GRID2: variants seen among roughly 807,000 people sequenced by gnomAD.
GRID2 encodes the protein glutamate receptor ionotropic, delta-2.
A neutral mutation model predicts 114.8 loss-of-function variants in GRID2; 33 were observed. The ratio of observed to expected loss-of-function variants is 0.29; its 90% confidence interval spans 0.22 to 0.38. The LOEUF is 0.38. Ranked by LOEUF, GRID2 falls within the 10% of genes least tolerant of loss-of-function variation. The pLI is 1.00. For missense variants in GRID2, 1,184 were observed against 1,257.7 expected, an observed-to-expected ratio of 0.94 and a Z score of 0.89; for synonymous variants, 505 against 449.9, an observed-to-expected ratio of 1.12 and a Z score of -1.55.
intron 4 of GRID2, among the ~76,000 whole-genome samples, chr4:93,193,741 C>T (rs950311193): frequency 6.6e-6 from 1 of 152,144 alleles, no homozygotes; most frequent in African/African-American, 2.4e-5. Context: ...AACTGTGAAA[C>T]ACTGATAATT....
In GRID2 at chr4:93,456,293, G is replaced by A. The variant is rs551289106; in HGVS notation, c.1858+319G>A. On this transcript the variant is annotated intron_variant, in intron 11 of 15. Coordinates refer to ENST00000282020, the MANE Select transcript of GRID2 (RefSeq NM_001510.4). Reference sequence around the variant, plus strand: ...CCAAACTCTGACTTTCTGAGAAATAGCCTTATAAGGATGAAATTACTTATT... The same window carrying A: ...CCAAACTCTGACTTTCTGAGAAATAACCTTATAAGGATGAAATTACTTATT... 5.7e-4 allele frequency among the ~76,000 whole-genome samples: 86 copies of A among 152,202 alleles called. 1 individual carries two copies. The highest frequency in any genetic ancestry group is 1.5e-3 in the South Asian group (7 of 4,820).
chr4:93,320,239 G>T (rs920763126), intron 8 of GRID2, among the ~76,000 whole-genome samples: 2 of 152,056 alleles, frequency 1.3e-5, no homozygotes, highest in Non-Finnish European at 2.9e-5. Context: ...TCATGTCAGC[G>T]ATGATTATTG....
At chr4:93,154,972 A>G (rs1339002385) in intron 4 of GRID2, among the ~76,000 whole-genome samples, 3 of 151,862 alleles carry the variant, frequency 2.0e-5, no homozygotes, top group Non-Finnish European at 2.9e-5. Flanking sequence ...CTCTCAGTTC[A>G]GTATTTTAAC....
At chr4:93,281,035 C>G (rs1457276228) in intron 8 of GRID2, among the ~76,000 whole-genome samples, 1 of 151,712 alleles carries the variant, frequency 6.6e-6, no homozygotes, top group Non-Finnish European at 1.5e-5. Flanking sequence ...TGCACATACA[C>G]AAACTAAATA....
At chr4:92,665,529 T>A (rs1732727935) in intron 2 of GRID2, among the ~76,000 whole-genome samples, 1 of 151,314 alleles carries the variant, frequency 6.6e-6, no homozygotes, top group African/African-American at 2.4e-5. Context: ...GTCTTTATTT[T>A]TTCATATACC....
At chr4:93,464,961 A>C (rs1170540013) in intron 11 of GRID2, among the ~76,000 whole-genome samples, 1 of 152,188 alleles carries the variant, frequency 6.6e-6, no homozygotes, top group Non-Finnish European at 1.5e-5. Context: ...TTCTGCCTTT[A>C]CTATTTTAAA....
chr4:93,624,566 G>T (rs1017499503), intron 13 of GRID2, among the ~76,000 whole-genome samples: 1 of 151,946 alleles, frequency 6.6e-6, no homozygotes, highest in African/African-American at 2.4e-5. Flanking sequence ...TCTTTCTTGT[G>T]TCTATTGAAA....
intron 2 of GRID2, among the ~76,000 whole-genome samples, chr4:92,868,403 C>T (rs1480038390): frequency 6.6e-6 from 1 of 152,102 alleles, no homozygotes; most frequent in East Asian, 1.9e-4. Flanking sequence ...CCAGACGCAG[C>T]TACCAGAGAT....
intron 2 of GRID2, among the ~76,000 whole-genome samples, chr4:92,909,884 G>T (rs1049547402): frequency 4.6e-5 from 7 of 152,042 alleles, no homozygotes; most frequent in Non-Finnish European, 1.0e-4. Flanking sequence ...TATGAGGTTG[G>T]AATTGTTAAA....
intron 2 of GRID2, among the ~76,000 whole-genome samples, chr4:92,975,874 G>T (rs1470026660): frequency 6.6e-6 from 1 of 151,982 alleles, no homozygotes; most frequent in Non-Finnish European, 1.5e-5. Context: ...TGCTCCTAAG[G>T]TGTAGGCAGT....
intron 1 of GRID2, among the ~76,000 whole-genome samples, chr4:92,535,279 G>A (rs770156669): frequency 6.6e-6 from 1 of 152,068 alleles, no homozygotes; most frequent in Non-Finnish European, 1.5e-5. Context: ...TTTAAGTGTT[G>A]TTAGAATTCA....
At chr4:92,539,129 C>G (rs1186090582) in intron 1 of GRID2, among the ~76,000 whole-genome samples, 1 of 151,278 alleles carries the variant, frequency 6.6e-6, no homozygotes, top group Non-Finnish European at 1.5e-5. Flanking sequence ...GAAATGTGTT[C>G]CAAAGCAGGG....
intron 2 of GRID2, among the ~76,000 whole-genome samples, chr4:92,646,464 T>G (rs1443220196): frequency 2.0e-5 from 3 of 151,902 alleles, no homozygotes; most frequent in Non-Finnish European, 2.9e-5. Context: ...TCTTAACACT[T>G]AAATCTTGAC....
intron 2 of GRID2, among the ~76,000 whole-genome samples, chr4:92,990,198 CTGTGTGTG>C (rs3970985): frequency 0.23 from 28,119 of 124,466 alleles, 3,623 homozygotes; most frequent in East Asian, 0.43. Context: ...TTAACATTTT[CTGTGTGTG>C]TGTGTGTGTG....
intron 8 of GRID2, among the ~76,000 whole-genome samples, chr4:93,310,223 A>G (rs566689215): frequency 1.6e-4 from 25 of 152,298 alleles, no homozygotes; most frequent in Admixed American, 7.8e-4. Context: ...TGGTTTATTA[A>G]TATTGAGAAC....
intron 2 of GRID2, among the ~76,000 whole-genome samples, chr4:92,750,599 G>T (rs543690039): frequency 6.6e-6 from 1 of 152,086 alleles, no homozygotes; most frequent in Admixed American, 6.6e-5. Context: ...GACACTATGG[G>T]GAATAGCACC....
intron 13 of GRID2, among the ~76,000 whole-genome samples, chr4:93,585,116 A>G (rs1439372322): frequency 6.6e-6 from 1 of 152,122 alleles, no homozygotes; most frequent in South Asian, 2.1e-4. Flanking sequence ...CTTTGCTATT[A>G]CCAGTCCACT....
intron 8 of GRID2, among the ~76,000 whole-genome samples, chr4:93,277,244 T>C (rs1561076360): frequency 6.6e-6 from 1 of 151,966 alleles, no homozygotes; most frequent in Non-Finnish European, 1.5e-5. Context: ...GAATAACATG[T>C]CCATTATTTT....
intron 2 of GRID2, among the ~76,000 whole-genome samples, chr4:92,691,255 T>A (rs1560535040): frequency 1.3e-5 from 2 of 152,200 alleles, no homozygotes; most frequent in South Asian, 4.1e-4. Context: ...ATTATGGTAC[T>A]TTGCTGAACC....
Sources: allele counts gnomAD v4.1 joint callset (sites outside exome capture counted in the v4.1 genomes callset), GRCh38; gene constraint gnomAD v4.1.1; transcripts MANE v1.5; gene names NCBI Gene and HGNC (gene_info 2026-07-23, HGNC 2026-07-21).